Variants in BBOX1 observed in about 807,000 individuals in gnomAD.
The protein encoded by BBOX1 is gamma-butyrobetaine dioxygenase.
In BBOX1, 35 loss-of-function variants were observed where a neutral mutation model predicts 41.6. The observed-to-expected ratio is 0.84, with a 90% CI of 0.64 to 1.11. The LOEUF (loss-of-function observed/expected upper bound fraction) is 1.11, where lower values mean the gene tolerates loss of function less well. BBOX1 is among the 50% of genes most tolerant of loss of function. The probability of loss-of-function intolerance (pLI) is 0.00; values close to 1 mark genes in which losing one functional copy is unlikely to be tolerated. For missense variants in BBOX1, 458 were observed against 460.6 expected (o/e 0.99, Z 0.05); for synonymous variants, 163 against 154.7 (o/e 1.05, Z -0.40).
intron 6 of BBOX1, among the ~76,000 whole-genome samples, chr11:27,118,409 A>G (rs986881243): frequency 6.6e-6 from 1 of 152,090 alleles, no homozygotes; most frequent in African/African-American, 2.4e-5. Flanking sequence ...GAACAAACCA[A>G]TATATTTTTC....
chr11:27,053,229 A>G (rs1471606245), intron 2 of BBOX1, among the ~76,000 whole-genome samples: 2 of 152,192 alleles, frequency 1.3e-5, no homozygotes, highest in East Asian at 3.8e-4. Context: ...CTTATTATAT[A>G]TTTGAGTAAG....
At chr11:27,094,701 G>A (rs1858374026) in intron 5 of BBOX1, among the ~76,000 whole-genome samples, 1 of 151,934 alleles carries the variant, frequency 6.6e-6, no homozygotes, top group African/African-American at 2.4e-5. Flanking sequence ...TTGGTCTGTA[G>A]ATAAACAGGA....
intron 6 of BBOX1, among the ~76,000 whole-genome samples, chr11:27,116,473 A>T (rs201478268): frequency 0.12 from 3 of 26 alleles, no homozygotes; most frequent in East Asian, 0.38. Context: ...AAAGTATAAC[A>T]AAAAAAAAAA....
At chr11:27,079,628 GCC>G (rs911174834) in intron 4 of BBOX1, among the ~76,000 whole-genome samples, 1 of 152,030 alleles carries the variant, frequency 6.6e-6, no homozygotes, top group African/African-American at 2.4e-5. Flanking sequence ...GGAGATTCTA[GCC>G]CAGAATAAAT....
chr11:27,042,968 ACTT>A (rs2133937328), intron 2 of BBOX1, among the ~76,000 whole-genome samples: 1 of 152,256 alleles, frequency 6.6e-6, no homozygotes, highest in South Asian at 2.1e-4. Context: ...TGTCTAGAAA[ACTT>A]CTTGCCCTTT....
At position 27,055,437 on chromosome 11, in the gene BBOX1, T is replaced by C. The variant is rs368465428; in HGVS notation, c.7T>C (p.Cys3Arg). MA[C>R]TIQKAEALDG... ...ACTCCTGAAGACCGGAAACATGGCT[T>C]GTACCATCCAAAAGGCAGAAGCACT... Residue 3 changes from cysteine to arginine, a missense_variant, in exon 3 of 9, where the codon TGT (cysteine) becomes CGT (arginine). By Grantham distance (180) the Cys-to-Arg change is radical. Coordinates refer to ENST00000263182, the MANE Select transcript of BBOX1 (RefSeq NM_003986.3). 3.5e-5 allele frequency: 57 copies of C among 1,613,350 alleles called. No homozygotes were observed. The highest frequency in any genetic ancestry group is 4.7e-5 in the Non-Finnish European group (56 of 1,180,006).
At chr11:27,127,247 C>A (rs374358576) in intron 8 of BBOX1, 46 bp from the exon 9 acceptor site, 2 of 1,584,634 alleles carry the variant, frequency 1.3e-6, no homozygotes, top group Non-Finnish European at 1.7e-6. Flanking sequence ...CTCTGTAAGT[C>A]ATTTAAACAC....
At chr11:27,041,630 G>C (rs1216020028) in intron 2 of BBOX1, among the ~76,000 whole-genome samples, 152 bp downstream of exon 2, 1 of 152,156 alleles carries the variant, frequency 6.6e-6, no homozygotes, top group Non-Finnish European at 1.5e-5. Context: ...TTCACATGTA[G>C]CTCACAGTCA....
At chr11:27,063,373 A>G (rs902675113) in intron 4 of BBOX1, among the ~76,000 whole-genome samples, 2 of 152,168 alleles carry the variant, frequency 1.3e-5, no homozygotes, top group Non-Finnish European at 2.9e-5. Context: ...CCCAACATAT[A>G]ACTGGCAGGA....
chr11:27,071,645 GA>G (rs1329469483), intron 4 of BBOX1, among the ~76,000 whole-genome samples: 1 of 152,074 alleles, frequency 6.6e-6, no homozygotes, highest in African/African-American at 2.4e-5. Flanking sequence ...CAATATCCCT[GA>G]TGAACATCGA....
intron 4 of BBOX1, among the ~76,000 whole-genome samples, chr11:27,071,201 C>T (rs1857435602): frequency 1.3e-5 from 2 of 151,812 alleles, no homozygotes; most frequent in South Asian, 2.1e-4. Flanking sequence ...AGTGAAACCC[C>T]ATCTCTACTA....
rs59696795 is a variant in BBOX1 at position 27,085,555 on chromosome 11, ATCTCTCTC to A, written c.335-7579_335-7572del. ...CTTTACTGTCCAGCCACATTCCCCC[ATCTCTCTC>A]TCTCTCTCTCTCTCTCTCTCTCTCT... On this transcript the variant is annotated intron_variant, in intron 4 of 8. Coordinates refer to ENST00000263182, the MANE Select transcript of BBOX1 (RefSeq NM_003986.3). Among the ~76,000 whole-genome samples, 299 of 134,818 alleles carry A rather than the reference ATCTCTCTC, an allele frequency of 2.2e-3. 1 individual carries two copies. The highest frequency in any genetic ancestry group is 3.1e-3 in the Non-Finnish European group (192 of 61,280). 88.4% of individuals were successfully genotyped at this position (134,818 alleles called of 152,430 possible).
intron 5 of BBOX1, among the ~76,000 whole-genome samples, chr11:27,102,637 C>G (rs548001081): frequency 2.1e-4 from 32 of 151,994 alleles, no homozygotes; most frequent in Middle Eastern, 3.2e-3. Flanking sequence ...TACAATTTAA[C>G]TCACGTAAAC....
chr11:27,114,841 G>A (rs1859198696), intron 5 of BBOX1, among the ~76,000 whole-genome samples: 1 of 151,846 alleles, frequency 6.6e-6, no homozygotes, highest in Admixed American at 6.6e-5. Context: ...GGATTGGGCA[G>A]TGGATTCTTA....
intron 2 of BBOX1, among the ~76,000 whole-genome samples, chr11:27,042,710 A>G (rs1451193720): frequency 6.6e-6 from 1 of 152,182 alleles, no homozygotes; most frequent in East Asian, 1.9e-4. Context: ...TATCTCAGCC[A>G]CTTATTAAAC....
intron 4 of BBOX1, among the ~76,000 whole-genome samples, chr11:27,089,106 C>G (rs1858143559): frequency 6.6e-6 from 1 of 151,826 alleles, no homozygotes; most frequent in Non-Finnish European, 1.5e-5. Context: ...GATTCAAACC[C>G]AAGTCTCTTG....
intron 4 of BBOX1, among the ~76,000 whole-genome samples, chr11:27,083,842 A>G (rs1337998899): frequency 6.6e-6 from 1 of 152,140 alleles, no homozygotes; most frequent in African/African-American, 2.4e-5. Flanking sequence ...TGAGTGAAAG[A>G]TTTCAACATA....
intron 4 of BBOX1, 72 bp downstream of exon 4, chr11:27,057,387 A>G (rs935360765): frequency 1.6e-6 from 2 of 1,265,512 alleles, no homozygotes; most frequent in Non-Finnish European, 2.2e-6. Flanking sequence ...AAATTTGCTC[A>G]CAGAAAATTC....
chr11:27,080,619 A>G (rs1489862636), intron 4 of BBOX1, among the ~76,000 whole-genome samples: 1 of 152,130 alleles, frequency 6.6e-6, no homozygotes, highest in Non-Finnish European at 1.5e-5. Context: ...CCTATAATAC[A>G]TCAAGTAATG....
Sources: allele counts gnomAD v4.1 joint callset (sites outside exome capture counted in the v4.1 genomes callset), GRCh38; gene constraint gnomAD v4.1.1; transcripts MANE v1.5; gene names NCBI Gene and HGNC (gene_info 2026-07-23, HGNC 2026-07-21).